The following FSTL5 variants were observed in gnomAD, a reference collection of about 807,000 sequenced individuals.
FSTL5 encodes the protein follistatin like 5.
Under a neutral mutation model 89.1 loss-of-function variants are expected in FSTL5, and 62 were observed. That is an observed-to-expected ratio of 0.70 (90% CI 0.57 to 0.86). FSTL5 has a LOEUF of 0.86. Ranked by LOEUF, FSTL5 falls within the 40% of genes least tolerant of loss-of-function variation. The pLI, the probability that FSTL5 is intolerant of heterozygous loss-of-function variation, is 0.00. For synonymous variants in FSTL5, 383 were observed against 346.2 expected (o/e 1.11, Z -1.18); for missense variants, 1,057 against 1,001.6 (o/e 1.06, Z -0.75).
chr4:161,963,943 T>C (rs966274116), intron 3 of FSTL5, among the ~76,000 whole-genome samples: 2 of 151,902 alleles, frequency 1.3e-5, no homozygotes, highest in African/African-American at 2.4e-5. Flanking sequence ...TAGGAATATA[T>C]CTCCATGAAT....
intron 12 of FSTL5, among the ~76,000 whole-genome samples, chr4:161,481,951 C>T (rs1729525419): frequency 6.6e-6 from 1 of 152,182 alleles, no homozygotes; most frequent in Non-Finnish European, 1.5e-5. Flanking sequence ...GAAATGTTTT[C>T]ACGTTTTCTT....
At chr4:161,785,885 A>T (rs926328990) in intron 4 of FSTL5, among the ~76,000 whole-genome samples, 5 of 152,106 alleles carry the variant, frequency 3.3e-5, no homozygotes, top group African/African-American at 4.8e-5. Context: ...AAGAGTTTAC[A>T]TATGCCTTGC....
chr4:161,439,188 C>A (rs1282068686), intron 15 of FSTL5, among the ~76,000 whole-genome samples: 1 of 152,118 alleles, frequency 6.6e-6, no homozygotes, highest in Admixed American at 6.6e-5. Flanking sequence ...ATCTCAAAAG[C>A]CTGTCCATTA....
At chr4:161,915,362 C>T (rs1186293507) in intron 4 of FSTL5, among the ~76,000 whole-genome samples, 1 of 151,462 alleles carries the variant, frequency 6.6e-6, no homozygotes, top group African/African-American at 2.4e-5. Flanking sequence ...TCCCACCTTC[C>T]CACTCTCTGG....
chr4:161,532,186 C>T (rs1308681981), intron 10 of FSTL5, among the ~76,000 whole-genome samples: 3 of 146,466 alleles, frequency 2.0e-5, no homozygotes, highest in East Asian at 4.0e-4. Context: ...GGCAACAGAG[C>T]AAGACTCCAT....
At position 161,538,191 on chromosome 4, in the gene FSTL5, A is replaced by G. The variant is rs201082728; in HGVS notation, c.1287T>C (p.Phe429=). The G allele has an allele frequency of 2.9e-5, 47 of 1,614,036 alleles. No homozygotes were observed. Among genetic ancestry groups the G allele is most frequent in the Non-Finnish European group, 4.0e-5 (47 of 1,179,948 alleles). The stretch of plus-strand genomic sequence containing the variant: ...GGGTCTTTCTAGCAGAGTCTTCCAC[A>G]AAAAGAGAAGAGATGTCTTCATCCA... ...AGVDEDISSL[F]VEDSARKTLA... is the part of the protein sequence containing the mutation. Residue 429 remains phenylalanine, a synonymous_variant, in exon 10 of 16, where the codon TTT becomes TTC. Transcript: ENST00000306100.
chr4:161,647,216 G>A (rs1322372714), intron 7 of FSTL5, among the ~76,000 whole-genome samples: 1 of 152,164 alleles, frequency 6.6e-6, no homozygotes, highest in Non-Finnish European at 1.5e-5. Flanking sequence ...ACTTTTGCAT[G>A]TGAATATCCA....
chr4:161,954,405 C>T (rs1403466627), intron 3 of FSTL5, among the ~76,000 whole-genome samples: 1 of 151,482 alleles, frequency 6.6e-6, no homozygotes, highest in East Asian at 1.9e-4. Context: ...CAGTATTTTG[C>T]TATATATAAT....
intron 2 of FSTL5, among the ~76,000 whole-genome samples, chr4:162,048,766 G>A (rs1738288157): frequency 1.3e-5 from 2 of 152,128 alleles, no homozygotes; most frequent in Non-Finnish European, 2.9e-5. Flanking sequence ...ATGTGTTGGA[G>A]CTGTTGGCTT....
At position 162,094,680 on chromosome 4, in the gene FSTL5, A is replaced by T. The variant is rs189426830; in HGVS notation, c.126+16591T>A. ...AATTTCAAAGGCAAAACTAATTCAT[A>T]GTGAAATATATGAAAGAGTAGTTGC... On this transcript the variant is annotated intron_variant, in intron 2 of 15. Coordinates refer to ENST00000306100, the MANE Select transcript of FSTL5 (RefSeq NM_020116.5). Among the ~76,000 whole-genome samples the T allele has an allele frequency of 1.2e-3, 180 of 152,320 alleles. 2 individuals carry two copies. Among genetic ancestry groups the T allele is most frequent in the Admixed American group, 3.8e-3 (58 of 15,294 alleles).
At chr4:161,524,195 C>T (rs1560936935) in intron 10 of FSTL5, among the ~76,000 whole-genome samples, 1 of 152,172 alleles carries the variant, frequency 6.6e-6, no homozygotes, top group Non-Finnish European at 1.5e-5. Context: ...AAAGACAGTC[C>T]TTTCAAACTC....
At chr4:162,139,363 C>A (rs1057445015) in intron 1 of FSTL5, among the ~76,000 whole-genome samples, 3 of 151,876 alleles carry the variant, frequency 2.0e-5, no homozygotes, top group South Asian at 2.1e-4. Flanking sequence ...TTGGAAGGGC[C>A]AAGAACATCT....
chr4:161,414,884 TC>T (rs1377294458), intron 15 of FSTL5, among the ~76,000 whole-genome samples: 15 of 152,192 alleles, frequency 9.9e-5, no homozygotes, highest in Non-Finnish European at 1.8e-4. Flanking sequence ...GTCTCCTATG[TC>T]TTAGTTTGTG....
intron 6 of FSTL5, among the ~76,000 whole-genome samples, chr4:161,689,974 T>C (rs1312308877): frequency 6.6e-6 from 1 of 152,166 alleles, no homozygotes; most frequent in East Asian, 1.9e-4. Context: ...TATGTATTAG[T>C]ATTTCATTTG....
At chr4:161,910,600 C>T (rs1205430600) in intron 4 of FSTL5, among the ~76,000 whole-genome samples, 1 of 152,136 alleles carries the variant, frequency 6.6e-6, no homozygotes, top group Non-Finnish European at 1.5e-5. Flanking sequence ...GAACTCCATA[C>T]TCAATCTGTG....
intron 1 of FSTL5, among the ~76,000 whole-genome samples, chr4:162,153,663 T>TAATATATATAATATATGTATATAATA (rs200225187): frequency 1.5e-5 from 2 of 135,778 alleles, no homozygotes; most frequent in Admixed American, 1.6e-4. Context: ...ATGTATATAA[T>TAATATATATAATATATGTATATAATA]ATATGTATAT....
intron 3 of FSTL5, among the ~76,000 whole-genome samples, chr4:162,016,072 G>C (rs1178402500): frequency 6.6e-6 from 1 of 152,082 alleles, no homozygotes; most frequent in African/African-American, 2.4e-5. Context: ...CTTGTTGGGA[G>C]TCTTCTGATT....
Position 161,388,789 on chromosome 4 carries a change from G to A in FSTL5, c.1842-2340C>T, listed in dbSNP as rs973078750. 2.5e-4 allele frequency among the ~76,000 whole-genome samples: 38 copies of A among 152,086 alleles called. 1 individual carries two copies. Among genetic ancestry groups the A allele is most frequent in the Admixed American group, 2.5e-3 (38 of 15,256 alleles). On this transcript the variant is annotated intron_variant, in intron 15 of 15. Transcript: ENST00000306100. ...AACCTTGAGTCTTCTAGTCCCTTTAGGCTAGATTTTCAAATGCTAATGAGG... is the reference window on the plus strand; with the variant it reads ...AACCTTGAGTCTTCTAGTCCCTTTAAGCTAGATTTTCAAATGCTAATGAGG...
chr4:161,978,474 T>C (rs1321646777), intron 3 of FSTL5, among the ~76,000 whole-genome samples: 1 of 152,066 alleles, frequency 6.6e-6, no homozygotes, highest in Non-Finnish European at 1.5e-5. Context: ...TCATGCTGTT[T>C]TATTTATTAT....
Sources: gnomAD v4.1 joint callset for allele counts (sites outside exome capture counted in the v4.1 genomes callset) on GRCh38, gnomAD v4.1.1 for gene constraint, MANE v1.5 for transcripts, NCBI Gene and HGNC (gene_info 2026-07-23, HGNC 2026-07-21) for gene names.